CATSPERE: variants seen among roughly 807,000 people sequenced by gnomAD.
CATSPERE encodes catsper channel auxiliary subunit epsilon.
In CATSPERE, 93 loss-of-function variants were observed where a neutral mutation model predicts 114.1. The ratio of observed to expected loss-of-function variants is 0.81; its 90% CI spans 0.69 to 0.97. The LOEUF is 0.97. Ranked by LOEUF, CATSPERE falls within the 50% of genes least tolerant of loss-of-function variation. The pLI is 0.00. For missense variants in CATSPERE, 1,058 were observed against 1,131.6 expected (o/e 0.93, Z 0.93); for synonymous variants, 341 against 384.1 (o/e 0.89, Z 1.31).
chr1:244,625,427 TATATA>T (rs1316362609), intron 20 of CATSPERE, among the ~76,000 whole-genome samples: 2 of 33,492 alleles, frequency 6.0e-5, no homozygotes, highest in Non-Finnish European at 5.4e-5. Context: ...TATATATATA[TATATA>T]TTTTTTTTTT....
Position 244,640,343 on chromosome 1 carries a change from T to G in CATSPERE, c.*262T>G, listed in dbSNP as rs915733649. 2 of 233,868 alleles carry G rather than the reference T, an allele frequency of 8.6e-6. No homozygotes were observed. The highest frequency in any genetic ancestry group is 1.6e-5 in the Non-Finnish European group (2 of 121,220). The allele number at this position is 233,868 out of a possible 1,614,324, so 14.5% of individuals were successfully genotyped here. A position where few individuals can be genotyped will look rare whatever the true frequency, so the allele number is the denominator to read the frequency against. ...TCTCACATGGCATGAAAAAATAAAC[T>G]AAATTTGACTATTACAATCCTTTGT... On this transcript the variant is annotated 3_prime_UTR_variant, in exon 22 of 22. Transcript: ENST00000366534.
rs923554070 is a variant in CATSPERE, at chr1:244,633,604, A to G, written c.2649-1885A>G. Among the ~76,000 whole-genome samples the G allele has an allele frequency of 1.3e-5, 2 of 152,124 alleles. No individual in the cohort carries two copies. The highest frequency in any genetic ancestry group is 4.8e-5 in the African/African-American group (2 of 41,420). ...TTCATTAAAGCCCTCTGGAGGACAC[A>G]TGTGCAGGCATGAGCACACGCATGC... is the stretch of plus-strand genomic sequence containing the variant. On this transcript the variant is annotated intron_variant, in intron 20 of 21. Transcript: ENST00000366534. The surrounding 1 kb of genome is among the most constrained non-coding windows in gnomAD (Gnocchi z 4.1).
At chr1:244,537,866 C>A (rs1680607690) in intron 8 of CATSPERE, among the ~76,000 whole-genome samples, 1 of 152,146 alleles carries the variant, frequency 6.6e-6, no homozygotes, top group African/African-American at 2.4e-5. Flanking sequence ...TCCATTAAAT[C>A]TAGTTGATTG....
upstream of CATSPERE, among the ~76,000 whole-genome samples, chr1:244,458,832 A>G (rs1187562775): frequency 2.0e-5 from 3 of 152,186 alleles, no homozygotes; most frequent in African/African-American, 7.2e-5. Flanking sequence ...TGGTTATTTT[A>G]CCAAGGCTTT....
At chr1:244,460,892 TG>T (rs1324321894), upstream of CATSPERE, among the ~76,000 whole-genome samples, 1 of 152,258 alleles carries the variant, frequency 6.6e-6, no homozygotes, top group Non-Finnish European at 1.5e-5. Context: ...CACTCCAGCC[TG>T]GGGGACAGAG....
At chr1:244,536,360 A>T (rs1680385030) in intron 8 of CATSPERE, among the ~76,000 whole-genome samples, 1 of 152,040 alleles carries the variant, frequency 6.6e-6, no homozygotes, top group Non-Finnish European at 1.5e-5. Context: ...TGTGGCCTAG[A>T]CTATCTTTCA....
At chr1:244,539,805 G>T in intron 8 of CATSPERE, among the ~76,000 whole-genome samples, 1 of 84,012 alleles carries the variant, frequency 1.2e-5, no homozygotes. Context: ...TATTTCTGTG[G>T]GATTGGTGGT....
upstream of CATSPERE, chr1:244,452,061 G>T (rs1193106599): frequency 5.6e-6 from 2 of 355,274 alleles, no homozygotes; most frequent in African/African-American, 2.1e-5. Flanking sequence ...GCAGGAAGAG[G>T]CCCTGGTGGC....
chr1:244,535,862 G>A (rs914410468), intron 8 of CATSPERE, among the ~76,000 whole-genome samples: 1 of 152,024 alleles, frequency 6.6e-6, no homozygotes, highest in African/African-American at 2.4e-5. Context: ...AGCTGCCACA[G>A]CTGGGAATGT....
At chr1:244,510,827 T>TTC in intron 7 of CATSPERE, among the ~76,000 whole-genome samples, 1 of 145,918 alleles carries the variant, frequency 6.9e-6, no homozygotes, top group African/African-American at 2.6e-5. Flanking sequence ...TTTTTTCTTT[T>TTC]TCTTTTTCTT....
intron 8 of CATSPERE, among the ~76,000 whole-genome samples, chr1:244,537,923 T>C (rs1680614909): frequency 6.6e-6 from 1 of 152,228 alleles, no homozygotes; most frequent in Non-Finnish European, 1.5e-5. Flanking sequence ...CTGGATCTGT[T>C]AATTAATGAT....
intron 20 of CATSPERE, among the ~76,000 whole-genome samples, chr1:244,622,262 T>C (rs3122316): frequency 0.97 from 148,357 of 152,292 alleles, 72,401 homozygotes; most frequent in East Asian, 1. Flanking sequence ...AGATACTATA[T>C]TCCTAGTATC....
At chr1:244,501,853 G>C (rs1397211816) in intron 7 of CATSPERE, among the ~76,000 whole-genome samples, 5 of 152,082 alleles carry the variant, frequency 3.3e-5, no homozygotes, top group African/African-American at 1.2e-4. Flanking sequence ...AACCTTATCT[G>C]CCTCTGCCCC....
intron 10 of CATSPERE, among the ~76,000 whole-genome samples, chr1:244,569,186 G>T (rs1367818118): frequency 6.6e-6 from 1 of 152,154 alleles, no homozygotes; most frequent in Non-Finnish European, 1.5e-5. Context: ...CTTGGCTAGG[G>T]GAGGGAGTTC....
At position 244,575,526 on chromosome 1, in the gene CATSPERE, G is replaced by C. The variant is rs568686829; in HGVS notation, c.1950+2754G>C. Among the ~76,000 whole-genome samples the C allele has an allele frequency of 6.6e-6, 1 of 152,182 alleles. No homozygotes were observed. The highest frequency in any genetic ancestry group is 1.5e-5 in the Non-Finnish European group (1 of 68,032). On this transcript the variant is annotated intron_variant, in intron 11 of 21. Transcript: ENST00000366534. This position sits in a 1 kb window ranked among gnomAD's most constrained non-coding sequence, Gnocchi z 4.5. ...GAGCAGCACAGAAGGCTTGGGGCTC[G>C]ACAGCTGGTGGCCTGGATGGCTCTA...
At chr1:244,494,539 A>G (rs2148251511) in intron 6 of CATSPERE, among the ~76,000 whole-genome samples, 1 of 151,804 alleles carries the variant, frequency 6.6e-6, no homozygotes, top group Admixed American at 6.6e-5. Context: ...CCAACATGGC[A>G]CATGTATACA....
intron 15 of CATSPERE, 95 bp from the exon 16 acceptor site, chr1:244,593,300 A>T (rs1315881261): frequency 8.3e-7 from 1 of 1,211,100 alleles, no homozygotes; most frequent in Non-Finnish European, 1.2e-6. Flanking sequence ...TATCTGTTTG[A>T]CCTTTGTGAT....
At chr1:244,516,957 G>T (rs972790271) in intron 7 of CATSPERE, among the ~76,000 whole-genome samples, 1 of 152,002 alleles carries the variant, frequency 6.6e-6, no homozygotes, top group African/African-American at 2.4e-5. Flanking sequence ...TTTACCAATA[G>T]TGAAAAAAAT....
rs1189129064 is a variant in CATSPERE, at chr1:244,505,269, C to T, written c.429+6190C>T. Among the ~76,000 whole-genome samples the T allele has an allele frequency of 3.9e-5, 6 of 152,250 alleles. No individual in the cohort carries two copies. The East Asian group carries it at 7.7e-4, about 20-fold the overall frequency. On this transcript the variant is annotated intron_variant, in intron 7 of 21. Coordinates refer to ENST00000366534, the MANE Select transcript of CATSPERE (RefSeq NM_001130957.2). ...ACGTGCACCATCTTACATTCCCAGT[C>T]CTAGAATCAGGCATTTCTCCTAGGA...
Sources: gnomAD v4.1 joint callset for allele counts (sites outside exome capture counted in the v4.1 genomes callset) on GRCh38, gnomAD v4.1.1 for gene constraint, Gnocchi (gnomAD v3.1) non-coding constraint, MANE v1.5 for transcripts, NCBI Gene and HGNC (gene_info 2026-07-23, HGNC 2026-07-21) for gene names.